The following CHADL variants were observed in gnomAD, a reference collection of about 807,000 sequenced individuals.
The protein encoded by CHADL is chondroadherin-like protein.
Under a neutral mutation model 52.1 loss-of-function variants are expected in CHADL, and 48 were observed. That is an observed-to-expected ratio of 0.92 (90% CI 0.73 to 1.17). CHADL has a LOEUF of 1.17. Ranked by LOEUF, CHADL falls within the 50% of genes most tolerant of loss-of-function variation. CHADL has a pLI of 0.00. For missense variants in CHADL, 977 were observed against 1,035.1 expected, an observed-to-expected ratio of 0.94 and a Z score of 0.77; for synonymous variants, 498 against 511.2, an observed-to-expected ratio of 0.97 and a Z score of 0.35.
intron 3 of CHADL, 75 bp downstream of exon 3, chr22:41,237,101 T>G (rs772827183): frequency 3.1e-4 from 441 of 1,417,268 alleles, no homozygotes; most frequent in Non-Finnish European, 4.0e-4. Flanking sequence ...TGGCAAATGC[T>G]TGTTGAGTGA....
At position 41,238,479 on chromosome 22, in the gene CHADL, G is replaced by T. The variant is rs776280115; in HGVS notation, c.593C>A (p.Ala198Asp). 1.3e-6 allele frequency: 2 copies of T among 1,534,890 alleles called. No individual in the cohort carries two copies. Among genetic ancestry groups the T allele is most frequent in the Non-Finnish European group, 1.8e-6 (2 of 1,142,592 alleles). ...RLSHNALSVL[A>D]PEALAGLPAL... The stretch of plus-strand genomic sequence containing the variant: ...GGGCAGGCCAGCCAGGGCCTCGGGG[G>T]CCAGCACGCTGAGCGCGTTGTGCGA... Residue 198 changes from alanine to aspartate, a missense_variant, in exon 3 of 6, where the codon GCC (alanine) becomes GAC (aspartate). Transcript: ENST00000216241. This position sits in a 1 kb window ranked among gnomAD's most constrained non-coding sequence, Gnocchi z 4.9.
chr22:41,236,475 G>C lies in CHADL; in HGVS notation c.2063+9C>G. 1 of 1,549,130 alleles carries C rather than the reference G, an allele frequency of 6.5e-7. No individual in the cohort carries two copies. The highest frequency in any genetic ancestry group is 1.4e-5 in the African/African-American group (1 of 73,136). Reference sequence around the variant, plus strand: ...GTCTTTGGCTGGAGGTCTAGGTGGGGGTGCCCACCTGTGCAGCGGAAGCAG... The same window carrying C: ...GTCTTTGGCTGGAGGTCTAGGTGGGCGTGCCCACCTGTGCAGCGGAAGCAG... On this transcript the variant is annotated intron_variant, in intron 4 of 5. Coordinates refer to ENST00000216241, the MANE Select transcript of CHADL (RefSeq NM_138481.2).
chr22:41,238,164 C>G lies in CHADL; in HGVS notation c.908G>C (p.Arg303Pro). 2 of 1,462,900 alleles carry G rather than the reference C, an allele frequency of 1.4e-6. No individual in the cohort carries two copies. Among genetic ancestry groups the G allele is most frequent in the Non-Finnish European group, 1.8e-6 (2 of 1,115,316 alleles). The allele number at this position is 1,462,900 out of a possible 1,614,324, so 90.6% of individuals were successfully genotyped here. A position where few individuals can be genotyped will look rare whatever the true frequency, so the allele number is the denominator to read the frequency against. Residue 303 changes from arginine to proline, a missense_variant, in exon 3 of 6, where the codon CGC becomes CCC. Transcript: ENST00000216241. This position sits in a 1 kb window ranked among gnomAD's most constrained non-coding sequence, Gnocchi z 4.9. ...LPPLQGPGQLRRLRLQGNPLW... is the reference protein window; with the variant it reads ...LPPLQGPGQLPRLRLQGNPLW... The stretch of plus-strand genomic sequence containing the variant: ...CGGATTCCCCTGCAGCCGCAGCCGG[C>G]GCAGCTGGCCCGGGCCCTGCAGCGG...
chr22:41,235,908 G>C (rs1322460011), intron 4 of CHADL, among the ~76,000 whole-genome samples: 1 of 152,060 alleles, frequency 6.6e-6, no homozygotes, highest in Non-Finnish European at 1.5e-5. Flanking sequence ...GTCTCACTCT[G>C]TCGCCCAGGC....
chr22:41,232,139 T>C (rs954016343), intron 5 of CHADL, among the ~76,000 whole-genome samples: 40 of 151,772 alleles, frequency 2.6e-4, no homozygotes, highest in Non-Finnish European at 4.9e-4. Context: ...GAGACCATCC[T>C]GGCTAACACG....
At position 41,229,631 on chromosome 22, in the gene CHADL, C is replaced by T. The variant is rs369755551; in HGVS notation, c.*73G>A. On this transcript the variant is annotated 3_prime_UTR_variant, in exon 6 of 6. Transcript: ENST00000216241. ...ACGACCCTCAGGGTGCCAGGAAGAT[C>T]TCGTCGGAGCCTGTTCCTGGCGAGA... The T allele has an allele frequency of 8.1e-6, 13 of 1,613,786 alleles. No individual in the cohort carries two copies. Among genetic ancestry groups the T allele is most frequent in the Non-Finnish European group, 9.3e-6 (11 of 1,179,990 alleles).
At chr22:41,239,333 G>A (rs1601561003) in intron 2 of CHADL, 110 bp downstream of exon 2, 2 of 964,848 alleles carry the variant, frequency 2.1e-6, no homozygotes, top group East Asian at 5.5e-5. Flanking sequence ...ATTTGCCAAG[G>A]TCTCCCGGGC....
At chr22:41,236,987 G>A (rs1464343540) in intron 3 of CHADL, among the ~76,000 whole-genome samples, 189 bp downstream of exon 3, 1 of 152,338 alleles carries the variant, frequency 6.6e-6, no homozygotes, top group African/African-American at 2.4e-5. Context: ...TGCAGGCACC[G>A]TGTGTGGCCT....
In CHADL at chr22:41,237,677, T is replaced by C. The variant is rs1213617060; in HGVS notation, c.1395A>G (p.Glu465=). Residue 465 remains glutamate (E), a synonymous_variant, in exon 3 of 6, where the codon GAA becomes GAG. Transcript: ENST00000216241. ...GGCCCAGCCCGGCCAGGGCGCCCGC[T>C]TCCAGCTCCGCGATGCCGCAGTGCT... ...HLQHCGIAEL[E]AGALAGLGRL... is the part of the protein sequence containing the mutation. 1.3e-6 allele frequency: 2 copies of C among 1,542,524 alleles called. No individual in the cohort carries two copies. Among genetic ancestry groups the C allele is most frequent in the East Asian group, 4.9e-5 (2 of 40,750 alleles).
chr22:41,234,082 G>A (rs1411135945), intron 5 of CHADL, among the ~76,000 whole-genome samples: 1 of 152,174 alleles, frequency 6.6e-6, no homozygotes, highest in Non-Finnish European at 1.5e-5. Flanking sequence ...TAGGTGGTGG[G>A]AGGCAGAGCC....
rs1015495352 is a variant in CHADL at position 41,238,138 on chromosome 22, G to T, written c.934C>A (p.Leu312Met). Residue 312 changes from leucine to methionine, a missense_variant, in exon 3 of 6, where the codon CTG (leucine) becomes ATG (methionine). By Grantham distance (15) the Leu-to-Met change is conservative (BLOSUM62 2). Transcript: ENST00000216241. The surrounding 1 kb of genome is among the most constrained non-coding windows in gnomAD (Gnocchi z 4.9). ...LRRLRLQGNP[L>M]WCGCQARPLL... is the part of the protein sequence containing the mutation. ...GGCCGCGCCTGGCAGCCGCACCACA[G>T]CGGATTCCCCTGCAGCCGCAGCCGG... is the stretch of plus-strand genomic sequence containing the variant. 1 of 1,412,506 alleles carries T rather than the reference G, an allele frequency of 7.1e-7. No homozygotes were observed. Among genetic ancestry groups the T allele is most frequent in the Admixed American group, 3.1e-5 (1 of 32,488 alleles). The allele number at this position is 1,412,506 out of a possible 1,614,324, so 87.5% of individuals were successfully genotyped here.
In CHADL at chr22:41,235,264, C is replaced by T. The variant is rs2032718842; in HGVS notation, c.2143G>A (p.Ala715Thr). Residue 715 changes from alanine (A) to threonine (T), a missense_variant, in exon 5 of 6, where the codon GCA (alanine) becomes ACA (threonine). Transcript: ENST00000216241. ...PNARGQRVKA[A>T]AAVFEDCPGW... ...GGGCAGTCTTCAAAGACAGCAGCTG[C>T]AGCCTTCACCCTCTGGCCACGGGCA... The T allele has an allele frequency of 6.4e-7, 1 of 1,551,232 alleles. No individual in the cohort carries two copies. Among genetic ancestry groups the T allele is most frequent in the African/African-American group, 1.4e-5 (1 of 73,070 alleles).
chr22:41,229,869 C>T, intron 5 of CHADL, 139 bp from the exon 6 acceptor site: 1 of 815,438 alleles, frequency 1.2e-6, no homozygotes, highest in Non-Finnish European at 2.1e-6. Context: ...CCGGCCCCGG[C>T]CCCTCCTCCT....
intron 5 of CHADL, among the ~76,000 whole-genome samples, chr22:41,232,062 G>T (rs550264983): frequency 3.3e-4 from 50 of 152,312 alleles, no homozygotes; most frequent in African/African-American, 1.1e-3. Context: ...GCCGGGCGCG[G>T]TGGCTCACGC....
chr22:41,238,478 G>T lies in CHADL; in HGVS notation c.594C>A (p.Ala198=), dbSNP rs1555924159. 2 of 1,534,818 alleles carry T rather than the reference G, an allele frequency of 1.3e-6. No homozygotes were observed. Among genetic ancestry groups the T allele is most frequent in the Non-Finnish European group, 1.8e-6 (2 of 1,142,514 alleles). Residue 198 remains alanine, a synonymous_variant, in exon 3 of 6, where the codon GCC becomes GCA. Coordinates refer to ENST00000216241, the MANE Select transcript of CHADL (RefSeq NM_138481.2). The surrounding 1 kb of genome is among the most constrained non-coding windows in gnomAD (Gnocchi z 4.9). ...RLSHNALSVL[A]PEALAGLPAL... ...CGGGCAGGCCAGCCAGGGCCTCGGG[G>T]GCCAGCACGCTGAGCGCGTTGTGCG...
In CHADL at chr22:41,237,783, A is replaced by C; in HGVS notation, c.1289T>G (p.Leu430Arg). The change falls in exon 3 of 6, where the codon CTG becomes CGG. Residue 430 changes from leucine to arginine, a missense_variant. Coordinates refer to ENST00000216241, the MANE Select transcript of CHADL (RefSeq NM_138481.2). ...GGGGAAGTGGTTCCGCCTCAGGTCCAGGAGCTGGGTGTCGCTGGGGAAGCC... is the reference window on the plus strand; with the variant it reads ...GGGGAAGTGGTTCCGCCTCAGGTCCCGGAGCTGGGTGTCGCTGGGGAAGCC... ...PRGFPSDTQL[L>R]DLRRNHFPSV... is the part of the protein sequence containing the mutation. The C allele has an allele frequency of 6.6e-7, 1 of 1,519,012 alleles. No homozygotes were observed. Among genetic ancestry groups the C allele is most frequent in the Non-Finnish European group, 8.8e-7 (1 of 1,131,890 alleles). The allele number at this position is 1,519,012 out of a possible 1,614,324, so 94.1% of individuals were successfully genotyped here.
At chr22:41,235,932 C>T (rs1369718679) in intron 4 of CHADL, among the ~76,000 whole-genome samples, 1 of 152,042 alleles carries the variant, frequency 6.6e-6, no homozygotes, top group Non-Finnish European at 1.5e-5. Context: ...AGTGAAGTGG[C>T]GCGATCTCAG....
Position 41,237,580 on chromosome 22 carries a change from G to T in CHADL, c.1492C>A (p.Arg498Ser). ...CGTTCTAGGTACAGGTAGCCGAGGC[G>T]GGGAGCCCCTTCAAGGGCAGCAGCG... ...LSAAALEGAP[R>S]LGYLYLERNR... Residue 498 changes from arginine (R) to serine (S), a missense_variant, in exon 3 of 6, where the codon CGC (arginine) becomes AGC (serine). Physicochemically the swap from Arg to Ser is moderately radical, Grantham distance 110. Transcript: ENST00000216241. The T allele has an allele frequency of 6.4e-7, 1 of 1,550,510 alleles. No individual in the cohort carries two copies. The highest frequency in any genetic ancestry group is 8.7e-7 in the Non-Finnish European group (1 of 1,146,920).
intron 5 of CHADL, 21 bp downstream of exon 5, chr22:41,235,124 C>T: frequency 6.5e-7 from 1 of 1,549,854 alleles, no homozygotes; most frequent in Non-Finnish European, 8.7e-7. Flanking sequence ...AAGGTCTCAC[C>T]CCTCCTGCCC....
Sources: allele counts gnomAD v4.1 joint callset (sites outside exome capture counted in the v4.1 genomes callset), GRCh38; gene constraint gnomAD v4.1.1; non-coding constraint Gnocchi (gnomAD v3.1); transcripts MANE v1.5; gene names NCBI Gene and HGNC (gene_info 2026-07-23, HGNC 2026-07-21).